The following UGT2B7 variants were observed in gnomAD, a reference collection of about 807,000 sequenced individuals.
The protein encoded by UGT2B7 is UDP glucuronosyltransferase family 2 member B7.
Under a neutral mutation model 51.9 loss-of-function variants are expected in UGT2B7, and 51 were observed. The ratio of observed to expected loss-of-function variants is 0.98; its 90% CI spans 0.78 to 1.24. The LOEUF is 1.24. UGT2B7 is among the 50% of genes most tolerant of loss of function. The pLI, the probability that UGT2B7 is intolerant of heterozygous loss-of-function variation, is 0.00. For missense variants in UGT2B7, 727 were observed against 628.4 expected, an observed-to-expected ratio of 1.16 and a Z score of -1.68; for synonymous variants, 225 against 211.6, an observed-to-expected ratio of 1.06 and a Z score of -0.55.
At position 69,112,834 on chromosome 4, in the gene UGT2B7, G is replaced by C; in HGVS notation, c.*98G>C. The C allele has an allele frequency of 1.2e-5, 10 of 830,014 alleles. No individual in the cohort carries two copies. Among genetic ancestry groups the C allele is most frequent in the Non-Finnish European group, 1.4e-5 (9 of 666,466 alleles). 51.4% of individuals were successfully genotyped at this position (830,014 alleles called of 1,614,324 possible). The stretch of plus-strand genomic sequence containing the variant: ...TGATGCAAGATTTCTTTCTTCCTGA[G>C]ACAAAAAAAAAAAAAGAAAAAAAAA... On this transcript the variant is annotated 3_prime_UTR_variant, in exon 6 of 6. Transcript: ENST00000305231.
Position 69,084,161 on chromosome 4 carries a change from T to C in UGT2B7, c.-158-5311T>C, listed in dbSNP as rs186370322. On this transcript the variant is annotated intron_variant, in intron 1 of 5. Coordinates refer to the UGT2B7 transcript ENST00000502942. ...ATATGTTTTTTCTTAATTCTCTTGA[T>C]ATAATATATCACATTTATTGTTTTG... Among the ~76,000 whole-genome samples the C allele has an allele frequency of 1.1e-4, 17 of 152,270 alleles. No homozygotes were observed. In the East Asian group the frequency reaches 2.9e-3, roughly 26 times the overall value.
At chr4:69,069,517 T>C (rs992995238) in intron 1 of UGT2B7, 5 of 152,096 alleles carry the variant, frequency 3.3e-5, no homozygotes, top group African/African-American at 1.2e-4. Context: ...CACTATGAAA[T>C]AAAATATTTT....
chr4:69,106,451 A>G (rs542960146), intron 3 of UGT2B7, among the ~76,000 whole-genome samples: 1 of 152,272 alleles, frequency 6.6e-6, no homozygotes, highest in East Asian at 1.9e-4. Context: ...TTATGACTGC[A>G]TAATATTCTG....
intron 1 of UGT2B7, among the ~76,000 whole-genome samples, chr4:69,054,003 G>A (rs546019771): frequency 3.3e-5 from 5 of 152,100 alleles, no homozygotes; most frequent in East Asian, 1.9e-4. Flanking sequence ...TTAGAGCCCC[G>A]CAAGGAATAC....
intron 5 of UGT2B7, among the ~76,000 whole-genome samples, chr4:69,111,069 C>T (rs991621990): frequency 3.3e-5 from 5 of 151,974 alleles, no homozygotes; most frequent in African/African-American, 1.2e-4. Context: ...AGAAGCATTC[C>T]TTGGGTTGTA....
At chr4:69,078,431 CT>C (rs1225974344) in intron 1 of UGT2B7, among the ~76,000 whole-genome samples, 3 of 152,170 alleles carry the variant, frequency 2.0e-5, no homozygotes, top group African/African-American at 2.4e-5. Flanking sequence ...TGGTCCTGGA[CT>C]TTTTTTGGTT....
chr4:69,093,431 AT>A (rs1719134231), upstream of UGT2B7, among the ~76,000 whole-genome samples: 1 of 152,148 alleles, frequency 6.6e-6, no homozygotes, highest in Non-Finnish European at 1.5e-5. Flanking sequence ...AAGCCAGTGG[AT>A]CTTATCCTGT....
chr4:69,098,848 C>G (rs1218594798), intron 2 of UGT2B7, among the ~76,000 whole-genome samples, 160 bp downstream of exon 2: 1 of 151,808 alleles, frequency 6.6e-6, no homozygotes, highest in Admixed American at 6.6e-5. Context: ...ACGTTAATAC[C>G]ATCACACGTA....
At chr4:69,090,268 C>T (rs1275691046) in intron 2 of UGT2B7, among the ~76,000 whole-genome samples, 1 of 152,024 alleles carries the variant, frequency 6.6e-6, no homozygotes, top group Non-Finnish European at 1.5e-5. Context: ...GTTCATAAAA[C>T]TCAATAAAAG....
At chr4:69,063,532 T>A (rs1462986423) in intron 1 of UGT2B7, among the ~76,000 whole-genome samples, 1 of 151,906 alleles carries the variant, frequency 6.6e-6, no homozygotes, top group Admixed American at 6.6e-5. Context: ...GAAATAAGGA[T>A]CACCATCTAT....
intron 1 of UGT2B7, among the ~76,000 whole-genome samples, chr4:69,081,886 GTTTC>G (rs998463535): frequency 4.0e-5 from 6 of 151,774 alleles, no homozygotes; most frequent in Non-Finnish European, 7.4e-5. Context: ...AGGTTTTTTT[GTTTC>G]TTTTTTACAC....
chr4:69,096,788 A>T lies in UGT2B7; in HGVS notation c.268A>T (p.Ile90Phe), dbSNP rs1719244429. ...AACTAAAACTGAGTTGGAGAATTTC[A>T]TCATGCAACAGATTAAGAGATGGTC... ...SLTKTELENF[I>F]MQQIKRWSDL... Residue 90 changes from isoleucine (I) to phenylalanine (F), a missense_variant, in exon 1 of 6, where the codon ATC (isoleucine) becomes TTC (phenylalanine). Ile to Phe is a conservative substitution (Grantham distance 21, BLOSUM62 0). Transcript: ENST00000305231. 3 of 1,613,918 alleles carry T rather than the reference A, an allele frequency of 1.9e-6. No individual in the cohort carries two copies. Among genetic ancestry groups the T allele is most frequent in the Middle Eastern group, 3.3e-4 (2 of 6,084 alleles).
chr4:69,111,420 G>A (rs968536191), intron 5 of UGT2B7, among the ~76,000 whole-genome samples: 7 of 152,108 alleles, frequency 4.6e-5, no homozygotes, highest in Admixed American at 3.3e-4. Flanking sequence ...GACTAGCTAT[G>A]AGGCACGTCA....
At chr4:69,095,226 T>G (rs1719190605), upstream of UGT2B7, among the ~76,000 whole-genome samples, 1 of 152,176 alleles carries the variant, frequency 6.6e-6, no homozygotes, top group South Asian at 2.1e-4. Context: ...GAACCCTAAA[T>G]CCAGCTCCTC....
At chr4:69,107,298 T>A in intron 4 of UGT2B7, 36 bp downstream of exon 4, 1 of 1,557,732 alleles carries the variant, frequency 6.4e-7, no homozygotes, top group Non-Finnish European at 8.8e-7. Flanking sequence ...AATATATTAG[T>A]AACAGCACAT....
At chr4:69,064,086 A>AGAGAGAG (rs1560499727) in intron 1 of UGT2B7, among the ~76,000 whole-genome samples, 2 of 102,478 alleles carry the variant, frequency 2.0e-5, no homozygotes, top group African/African-American at 5.1e-5. Flanking sequence ...GAAAGAAAGA[A>AGAGAGAG]AGAAAGAAAG....
rs11249523 is a variant in UGT2B7, at chr4:69,080,625, G to A, written c.-158-8847G>A. Among the ~76,000 whole-genome samples, 10 of 151,464 alleles carry A rather than the reference G, an allele frequency of 6.6e-5. No homozygotes were observed. The East Asian group carries it at 1.2e-3, about 18-fold the overall frequency. On this transcript the variant is annotated intron_variant, in intron 1 of 5. Transcript: ENST00000502942. ...GGTTCTCTTCTTAGCAAAATGAGAC[G>A]ATTAAAATTGATCAGGGTTTTAAAT...
chr4:69,064,080 GAAAGAAAGAAAGAA>G lies in UGT2B7; in HGVS notation c.-159+12480_-159+12493del, dbSNP rs1560499701. ...AGAAAGAAAGAAAGAAAGAAAGAAAGAAAGAAAGAAAGAAAGAGAAAGAAAGAAAGAAAAAGAAA... is the reference window on the plus strand; with the variant it reads ...AGAAAGAAAGAAAGAAAGAAAGAAAGAGAGAAAGAAAGAAAGAAAAAGAAA... On this transcript the variant is annotated intron_variant, in intron 1 of 5. Transcript: ENST00000502942. Among the ~76,000 whole-genome samples, 206 of 104,796 alleles carry G rather than the reference GAAAGAAAGAAAGAA, an allele frequency of 2.0e-3. 2 individuals carry two copies. Among genetic ancestry groups the G allele is most frequent in the Middle Eastern group, 5.0e-3 (1 of 202 alleles). The allele number at this position is 104,796 out of a possible 152,430, so 68.8% of individuals were successfully genotyped here. A position where few individuals can be genotyped will look rare whatever the true frequency, so the allele number is the denominator to read the frequency against.
At chr4:69,052,238 C>A (rs563183671) in intron 1 of UGT2B7, among the ~76,000 whole-genome samples, 1 of 152,066 alleles carries the variant, frequency 6.6e-6, no homozygotes, top group Non-Finnish European at 1.5e-5. Context: ...AGTTTCCATA[C>A]ATAGACAGTT....
Sources: gnomAD v4.1 joint callset for allele counts (sites outside exome capture counted in the v4.1 genomes callset) on GRCh38, gnomAD v4.1.1 for gene constraint, MANE v1.5 for transcripts, NCBI Gene and HGNC (gene_info 2026-07-23, HGNC 2026-07-21) for gene names.